SORL1: variants seen among roughly 807,000 people sequenced by gnomAD.
SORL1 encodes the protein sortilin related receptor 1.
A neutral mutation model predicts 273.7 loss-of-function variants in SORL1; 127 were observed. The ratio of observed to expected loss-of-function variants is 0.46; its 90% CI spans 0.40 to 0.54. The LOEUF (loss-of-function observed/expected upper bound fraction) is 0.54, where lower values mean the gene tolerates loss of function less well. SORL1 is among the 20% of genes least tolerant of loss of function. SORL1 has a pLI of 0.00. For synonymous variants in SORL1, 1,031 were observed against 1,067.4 expected, an observed-to-expected ratio of 0.97 and a Z score of 0.66; for missense variants, 2,494 against 2,846.1, an observed-to-expected ratio of 0.88 and a Z score of 2.81.
intron 2 of SORL1, among the ~76,000 whole-genome samples, chr11:121,475,375 G>C (rs1861248479): frequency 6.6e-6 from 1 of 152,218 alleles, no homozygotes; most frequent in Non-Finnish European, 1.5e-5. Flanking sequence ...GTTCATGATG[G>C]CCTTCAGGCA....
chr11:121,569,606 T>G (rs1862806791), intron 22 of SORL1, among the ~76,000 whole-genome samples: 1 of 152,190 alleles, frequency 6.6e-6, no homozygotes, highest in South Asian at 2.1e-4. Flanking sequence ...ATGAGGAAAT[T>G]CCTGCCTAAT....
intron 38 of SORL1, chr11:121,610,185 G>A (rs1482344110): frequency 6.6e-6 from 1 of 152,196 alleles, no homozygotes; most frequent in Non-Finnish European, 1.5e-5. Flanking sequence ...TGTGTGGAGA[G>A]TCTAATATGC....
intron 6 of SORL1, among the ~76,000 whole-genome samples, chr11:121,507,160 G>A (rs1861801394): frequency 6.6e-6 from 1 of 152,126 alleles, no homozygotes; most frequent in South Asian, 2.1e-4. Context: ...CACAGTTTTA[G>A]TCTAATTGAG....
chr11:121,577,228 A>C, intron 24 of SORL1, 53 bp from the exon 25 acceptor site: 1 of 1,543,400 alleles, frequency 6.5e-7, no homozygotes, highest in East Asian at 2.3e-5. Context: ...ACCAGAGACA[A>C]AATTCTGAAC....
Position 121,619,806 on chromosome 11 carries a change from G to T in SORL1, c.5778G>T (p.Lys1926Asn), listed in dbSNP as rs757649035. 3.6e-5 allele frequency: 58 copies of T among 1,614,070 alleles called. 1 individual carries two copies. In the Admixed American group the frequency reaches 5.3e-4, roughly 15 times the overall value. The stretch of plus-strand genomic sequence containing the variant: ...CATCCTCTGACTACGTTGTAGTGAA[G>T]ATGATCCCGGACAGCAGGCTTCCAC... ...QGPSSDYVVV[K>N]MIPDSRLPPR... The change falls in exon 43 of 48, where the codon AAG (lysine) becomes AAT (asparagine). Residue 1926 changes from lysine to asparagine, a missense_variant. Lys to Asn is a moderately conservative substitution (Grantham distance 94). Coordinates refer to ENST00000260197, the MANE Select transcript of SORL1 (RefSeq NM_003105.6).
chr11:121,460,427 C>T (rs1270375127), intron 1 of SORL1, among the ~76,000 whole-genome samples: 4 of 133,340 alleles, frequency 3.0e-5, no homozygotes, highest in Middle Eastern at 5.7e-3. Context: ...GACAGAGTCT[C>T]GCTCCGTCAC....
At position 121,550,445 on chromosome 11, in the gene SORL1, G is replaced by C. The variant is rs180822749; in HGVS notation, c.2181-140G>C. ...ATAAGGAGAACTGACTCAGAACTAC[G>C]AACATCCTCTTTCTAGTTCTAAAGA... On this transcript the variant is annotated intron_variant, in intron 15 of 47. Transcript: ENST00000260197. The surrounding 1 kb of genome is among the most constrained non-coding windows in gnomAD (Gnocchi z 5.3). 6.2e-4 allele frequency: 484 copies of C among 780,458 alleles called. No individual in the cohort carries two copies. Among genetic ancestry groups the C allele is most frequent in the Non-Finnish European group, 8.6e-4 (390 of 452,910 alleles). 48.3% of individuals were successfully genotyped at this position (780,458 alleles called of 1,614,324 possible).
At chr11:121,479,009 T>C (rs1439828304) in intron 3 of SORL1, among the ~76,000 whole-genome samples, 3 of 151,844 alleles carry the variant, frequency 2.0e-5, no homozygotes, top group African/African-American at 7.3e-5. Context: ...CGCATGCTTG[T>C]GTGCACGTGG....
At position 121,627,576 on chromosome 11, in the gene SORL1, A is replaced by G. The variant is rs148532757; in HGVS notation, c.6386A>G (p.Gln2129Arg). 114 of 1,614,126 alleles carry G rather than the reference A, an allele frequency of 7.1e-5. No homozygotes were observed. In the African/African-American group the frequency reaches 1.2e-3, roughly 18 times the overall value. ...GCAGGTGCAGATGCATCTGCAACGC[A>G]GGCTGCCAGATCTACGGATGTTGCT... ...LGSGADASAT[Q>R]AARSTDVAAV... The change falls in exon 47 of 48, where the codon CAG becomes CGG. Residue 2129 changes from glutamine to arginine, a missense_variant. Physicochemically the swap from Gln to Arg is conservative, Grantham distance 43 (BLOSUM62 1). Transcript: ENST00000260197. The surrounding 1 kb of genome is among the most constrained non-coding windows in gnomAD (Gnocchi z 4.9).
At position 121,488,100 on chromosome 11, in the gene SORL1, C is replaced by T. The variant is rs984709143; in HGVS notation, c.597C>T (p.Gly199=). The part of the protein sequence containing the change: ...ITFDFCNTLQ[G]FSIPFRAADL... ...TTGACTTCTGCAACACTCTTCAAGGCTTTTCCATCCCATTTCGGGCAGCTG... is the reference window on the plus strand; with the variant it reads ...TTGACTTCTGCAACACTCTTCAAGGTTTTTCCATCCCATTTCGGGCAGCTG... The change falls in exon 4 of 48, where the codon GGC becomes GGT. Residue 199 remains glycine (G), a synonymous_variant. Coordinates refer to ENST00000260197, the MANE Select transcript of SORL1 (RefSeq NM_003105.6). 5 of 1,614,066 alleles carry T rather than the reference C, an allele frequency of 3.1e-6. No individual in the cohort carries two copies. The African/African-American group carries it at 6.7e-5, about 22-fold the overall frequency.
chr11:121,601,493 A>G (rs1157334612), intron 32 of SORL1, among the ~76,000 whole-genome samples: 4 of 151,294 alleles, frequency 2.6e-5, no homozygotes, highest in African/African-American at 9.7e-5. Context: ...CAATGGTTGA[A>G]CTAGTTTACA....
At chr11:121,460,394 A>T (rs1157049884) in intron 1 of SORL1, among the ~76,000 whole-genome samples, 2 of 122,952 alleles carry the variant, frequency 1.6e-5, no homozygotes, top group Admixed American at 9.1e-5. Flanking sequence ...GTCATGATGA[A>T]TTTTTTTTTT....
At chr11:121,610,573 G>C (rs568565368) in intron 38 of SORL1, 1 of 154,124 alleles carries the variant, frequency 6.5e-6, no homozygotes, top group Non-Finnish European at 1.4e-5. Context: ...TCAGTAACTT[G>C]CCTAGGTTAC....
intron 3 of SORL1, among the ~76,000 whole-genome samples, chr11:121,487,355 G>A (rs1044771098): frequency 1.3e-5 from 2 of 152,192 alleles, no homozygotes; most frequent in African/African-American, 2.4e-5. Flanking sequence ...TTCAGCCGCA[G>A]CCACTATCCA....
chr11:121,452,544 C>A lies in SORL1; in HGVS notation c.213C>A (p.Arg71=). 6.7e-7 allele frequency: 1 copy of A among 1,496,906 alleles called. No homozygotes were observed. Among genetic ancestry groups the A allele is most frequent in the Non-Finnish European group, 8.9e-7 (1 of 1,128,858 alleles). 92.7% of individuals were successfully genotyped at this position (1,496,906 alleles called of 1,614,324 possible). A position where few individuals can be genotyped will look rare whatever the true frequency, so the allele number is the denominator to read the frequency against. Residue 71 remains arginine (R), a synonymous_variant, in exon 1 of 48, where the codon CGC becomes CGA. Coordinates refer to ENST00000260197, the MANE Select transcript of SORL1 (RefSeq NM_003105.6). This position sits in a 1 kb window ranked among gnomAD's most constrained non-coding sequence, Gnocchi z 5.3. ...GCGGGGATGCCAGGGGGGCGAGCCG[C>A]GCGGACGAGAAGCCGCTCCGGAGGA... ...WARGDARGAS[R]ADEKPLRRKR...
chr11:121,543,108 G>A lies in SORL1; in HGVS notation c.1686-440G>A, dbSNP rs561747787. ...CGGGAGGCTGAGGCAGGAGAATGGC[G>A]TGAACCCAGGAGGCAGAGCTTGTAG... On this transcript the variant is annotated intron_variant, in intron 12 of 47. Coordinates refer to ENST00000260197, the MANE Select transcript of SORL1 (RefSeq NM_003105.6). 3.3e-5 allele frequency among the ~76,000 whole-genome samples: 5 copies of A among 150,584 alleles called. No homozygotes were observed. The South Asian group carries it at 6.3e-4, about 19-fold the overall frequency.
At chr11:121,479,099 C>G (rs554813228) in intron 3 of SORL1, among the ~76,000 whole-genome samples, 4 of 152,278 alleles carry the variant, frequency 2.6e-5, no homozygotes, top group Admixed American at 2.6e-4. Context: ...AAAACCAAGG[C>G]AGCAGATATT....
At chr11:121,594,115 ATTT>A (rs11361113) in intron 31 of SORL1, among the ~76,000 whole-genome samples, 1 of 147,216 alleles carries the variant, frequency 6.8e-6, no homozygotes, top group Admixed American at 6.7e-5. Flanking sequence ...TTTGATTCTG[ATTT>A]TTTTTTTTTT....
intron 43 of SORL1, 98 bp downstream of exon 43, chr11:121,620,015 G>A: frequency 1.0e-6 from 1 of 982,050 alleles, no homozygotes; most frequent in Non-Finnish European, 1.6e-6. Context: ...AGAAACACAG[G>A]CCTGGTTTCT....
Sources: allele counts gnomAD v4.1 joint callset (sites outside exome capture counted in the v4.1 genomes callset), GRCh38; gene constraint gnomAD v4.1.1; non-coding constraint Gnocchi (gnomAD v3.1); transcripts MANE v1.5; gene names NCBI Gene and HGNC (gene_info 2026-07-23, HGNC 2026-07-21).